ZMPSTE24: variants seen among roughly 807,000 people sequenced by gnomAD.
ZMPSTE24 encodes the protein CAAX prenyl protease 1 homolog.
In ZMPSTE24, 48 loss-of-function variants were observed where a neutral mutation model predicts 56.7. The ratio of observed to expected loss-of-function variants is 0.85; its 90% CI spans 0.67 to 1.08. ZMPSTE24 has a LOEUF of 1.08. Ranked by LOEUF, ZMPSTE24 falls within the 50% of genes least tolerant of loss-of-function variation. The pLI is 0.00. For missense variants in ZMPSTE24, 503 were observed against 548.7 expected (o/e 0.92, Z 0.83); for synonymous variants, 172 against 195.2 (o/e 0.88, Z 0.99).
intron 9 of ZMPSTE24, 100 bp from the exon 10 acceptor site, chr1:40,292,345 C>T: frequency 8.7e-7 from 1 of 1,151,236 alleles, no homozygotes; most frequent in Non-Finnish European, 1.3e-6. Context: ...TGCCATTCCT[C>T]TTATCCCAAG....
chr1:40,265,784 A>C (rs1246581075), intron 2 of ZMPSTE24, among the ~76,000 whole-genome samples: 1 of 152,226 alleles, frequency 6.6e-6, no homozygotes, highest in Non-Finnish European at 1.5e-5. Flanking sequence ...CCCCACTTCC[A>C]GCTTCTGATT....
intron 8 of ZMPSTE24, among the ~76,000 whole-genome samples, chr1:40,289,776 C>T (rs180910542): frequency 6.6e-6 from 1 of 152,222 alleles, no homozygotes; most frequent in Non-Finnish European, 1.5e-5. Flanking sequence ...CAAGATGGAT[C>T]TACTTTTCCC....
chr1:40,285,572 T>C (rs1238345570), intron 7 of ZMPSTE24, among the ~76,000 whole-genome samples: 2 of 152,234 alleles, frequency 1.3e-5, no homozygotes, highest in Non-Finnish European at 2.9e-5. Flanking sequence ...CTAATGATTT[T>C]GTAATATAAT....
rs796794137 is a variant in ZMPSTE24, at chr1:40,281,858, T to C, written c.954+331T>C. 3.0e-4 allele frequency among the ~76,000 whole-genome samples: 46 copies of C among 152,280 alleles called. 1 individual carries two copies. The highest frequency in any genetic ancestry group is 1.1e-3 in the African/African-American group (44 of 41,570). ...ATATATATAATTTCTTATGTGTTTA[T>C]GATCAAAGAATTCCCACAAGCAAGA... On this transcript the variant is annotated intron_variant, in intron 7 of 9. Coordinates refer to ENST00000372759, the MANE Select transcript of ZMPSTE24 (RefSeq NM_005857.5).
At chr1:40,268,561 CTT>C in intron 4 of ZMPSTE24, 26 bp downstream of exon 4, 1 of 1,453,178 alleles carries the variant, frequency 6.9e-7, no homozygotes, top group South Asian at 1.2e-5. Context: ...CAAATGTTCT[CTT>C]TTAAATGTGA....
Position 40,292,821 on chromosome 1 carries a change from G to T in ZMPSTE24, c.*152G>T. ...ACATTTAATATGTCATTTTAAAAAT[G>T]ATTTTAATAATTCATTTCTTAAAAC... On this transcript the variant is annotated 3_prime_UTR_variant, in exon 10 of 10. Transcript: ENST00000372759. 1.7e-6 allele frequency: 1 copy of T among 603,418 alleles called. No homozygotes were observed. The highest frequency in any genetic ancestry group is 2.8e-6 in the Non-Finnish European group (1 of 355,732). The allele number at this position is 603,418 out of a possible 1,614,324, so 37.4% of individuals were successfully genotyped here.
chr1:40,273,517 A>T (rs113260486), intron 6 of ZMPSTE24, among the ~76,000 whole-genome samples: 19 of 15,224 alleles, frequency 1.2e-3, no homozygotes, highest in African/African-American at 7.3e-3. Flanking sequence ...AATTCTGTCT[A>T]AAAAAAAAAA....
chr1:40,266,013 T>C (rs1026107508), intron 2 of ZMPSTE24, among the ~76,000 whole-genome samples: 1 of 152,206 alleles, frequency 6.6e-6, no homozygotes, highest in African/African-American at 2.4e-5. Flanking sequence ...ATAAACACTT[T>C]AGGAAATATC....
chr1:40,285,680 C>T (rs1324369656), intron 7 of ZMPSTE24, among the ~76,000 whole-genome samples: 3 of 151,728 alleles, frequency 2.0e-5, no homozygotes, highest in Non-Finnish European at 4.4e-5. Flanking sequence ...CTAAGTTAGT[C>T]TAGACTGTGA....
intron 6 of ZMPSTE24, among the ~76,000 whole-genome samples, chr1:40,274,460 G>A (rs1216456930): frequency 6.6e-6 from 1 of 152,214 alleles, no homozygotes; most frequent in Non-Finnish European, 1.5e-5. Flanking sequence ...AGTTGATACT[G>A]TAGATTGGTC....
chr1:40,260,512 G>A (rs181061419), intron 1 of ZMPSTE24, among the ~76,000 whole-genome samples: 19 of 152,184 alleles, frequency 1.2e-4, no homozygotes, highest in East Asian at 5.8e-4. Context: ...TTTGTTTTCC[G>A]TATTATAGGA....
At chr1:40,285,573 G>T (rs545858715) in intron 7 of ZMPSTE24, among the ~76,000 whole-genome samples, 3 of 152,132 alleles carry the variant, frequency 2.0e-5, no homozygotes, top group Admixed American at 2.0e-4. Context: ...TAATGATTTT[G>T]TAATATAATG....
chr1:40,282,643 A>C (rs980281707), intron 7 of ZMPSTE24, among the ~76,000 whole-genome samples: 1 of 152,320 alleles, frequency 6.6e-6, no homozygotes, highest in Non-Finnish European at 1.5e-5. Context: ...CACCCCGCCA[A>C]GCTTTCTAAA....
intron 6 of ZMPSTE24, among the ~76,000 whole-genome samples, chr1:40,274,337 T>C (rs1643647997): frequency 6.6e-6 from 1 of 152,248 alleles, no homozygotes. Context: ...ACAACACACA[T>C]TACATATTTG....
intron 2 of ZMPSTE24, among the ~76,000 whole-genome samples, chr1:40,261,798 C>G (rs1022282337): frequency 6.6e-6 from 1 of 152,198 alleles, no homozygotes; most frequent in Non-Finnish European, 1.5e-5. Flanking sequence ...CAATCTCCAC[C>G]TCCCGGGTTC....
rs1643491646 is a variant in ZMPSTE24, at chr1:40,260,983, A to G, written c.268A>G (p.Thr90Ala). Residue 90 changes from threonine to alanine, a missense_variant and splice_region_variant, in exon 2 of 10, where the codon ACT (threonine) becomes GCT (alanine). Coordinates refer to ENST00000372759, the MANE Select transcript of ZMPSTE24 (RefSeq NM_005857.5). The part of the protein sequence containing the change: ...WSGLYSETEG[T>A]LILLFGGIPY... ...AGGACTCTATTCAGAGACTGAAGGC[A>G]CTGTGAGTAATTTACTTCTTGGAGA... 1.2e-6 allele frequency: 2 copies of G among 1,614,012 alleles called. No individual in the cohort carries two copies. The highest frequency in any genetic ancestry group is 2.2e-5 in the East Asian group (1 of 44,864).
intron 6 of ZMPSTE24, among the ~76,000 whole-genome samples, chr1:40,275,004 G>T (rs1375374821): frequency 1.3e-5 from 2 of 152,054 alleles, no homozygotes; most frequent in Non-Finnish European, 2.9e-5. Context: ...GAGTAGGTTT[G>T]TGGGGAATTA....
intron 7 of ZMPSTE24, among the ~76,000 whole-genome samples, chr1:40,282,168 T>G (rs1333727207): frequency 6.6e-6 from 1 of 152,220 alleles, no homozygotes; most frequent in Non-Finnish European, 1.5e-5. Flanking sequence ...CACAGTACAA[T>G]ACGTGAATTG....
intron 1 of ZMPSTE24, among the ~76,000 whole-genome samples, chr1:40,259,738 G>A (rs1643476652): frequency 1.3e-5 from 2 of 152,076 alleles, no homozygotes; most frequent in South Asian, 4.1e-4. Context: ...AGCCTTCTGA[G>A]TTGCTAGGAC....
Sources: allele counts gnomAD v4.1 joint callset (sites outside exome capture counted in the v4.1 genomes callset), GRCh38; gene constraint gnomAD v4.1.1; transcripts MANE v1.5; gene names NCBI Gene and HGNC (gene_info 2026-07-23, HGNC 2026-07-21).